The following ATP13A3 variants were observed in gnomAD, a reference collection of about 807,000 sequenced individuals.
The protein encoded by ATP13A3 is polyamine-transporting ATPase 13A3.
Under a neutral mutation model 158.1 loss-of-function variants are expected in ATP13A3, and 59 were observed. The ratio of observed to expected loss-of-function variants is 0.37; its 90% CI spans 0.30 to 0.46. The LOEUF is 0.46. ATP13A3 is among the 20% of genes least tolerant of loss of function. The probability of loss-of-function intolerance (pLI) is 1.00; values close to 1 mark genes in which losing one functional copy is unlikely to be tolerated. For synonymous variants in ATP13A3, 491 were observed against 504.3 expected (o/e 0.97, Z 0.35); for missense variants, 1,166 against 1,525.2 (o/e 0.76, Z 3.92).
chr3:194,474,552 T>G (rs1720443091), intron 2 of ATP13A3, among the ~76,000 whole-genome samples: 1 of 152,246 alleles, frequency 6.6e-6, no homozygotes, highest in Non-Finnish European at 1.5e-5. Context: ...ATAAGCCTAA[T>G]TCCCCCAAAC....
intron 2 of ATP13A3, among the ~76,000 whole-genome samples, chr3:194,474,034 C>T (rs1213268304): frequency 6.6e-6 from 1 of 152,156 alleles, no homozygotes; most frequent in Admixed American, 6.5e-5. Flanking sequence ...CTACCATTAA[C>T]GGTTTCTTCA....
intron 15 of ATP13A3, among the ~76,000 whole-genome samples, chr3:194,443,650 A>G (rs1718198651): frequency 6.6e-6 from 1 of 152,202 alleles, no homozygotes; most frequent in African/African-American, 2.4e-5. Context: ...ACAACTCTTG[A>G]AATTACATTG....
intron 15 of ATP13A3, among the ~76,000 whole-genome samples, chr3:194,443,208 T>C (rs1718169708): frequency 6.6e-6 from 1 of 151,988 alleles, no homozygotes; most frequent in South Asian, 2.1e-4. Context: ...AACAAATACA[T>C]ATAGGAAGGG....
chr3:194,485,381 A>C (rs73073177), intron 2 of ATP13A3, among the ~76,000 whole-genome samples: 3,504 of 152,270 alleles, frequency 0.023, 84 homozygotes, highest in African/African-American at 0.06. Context: ...CTCTAGAGAA[A>C]ATAATGTCAC....
At chr3:194,478,137 T>C (rs772410727) in intron 2 of ATP13A3, among the ~76,000 whole-genome samples, 14 of 152,154 alleles carry the variant, frequency 9.2e-5, no homozygotes, top group Non-Finnish European at 1.6e-4. Context: ...TAAATTAGCA[T>C]TCTAGCAATA....
At chr3:194,406,386 G>A (rs1304469204) in intron 33 of ATP13A3, among the ~76,000 whole-genome samples, 22 of 152,106 alleles carry the variant, frequency 1.4e-4, no homozygotes, top group Admixed American at 1.0e-3. Flanking sequence ...GCAACACAAC[G>A]AAATGTGTGT....
At chr3:194,444,665 T>C in intron 15 of ATP13A3, 60 bp downstream of exon 15, 2 of 1,395,690 alleles carry the variant, frequency 1.4e-6, no homozygotes, top group Non-Finnish European at 2.0e-6. Flanking sequence ...TGTTTGAATG[T>C]TGCACATGTT....
At chr3:194,429,500 TTC>T (rs1684670669) in intron 27 of ATP13A3, among the ~76,000 whole-genome samples, 176 bp downstream of exon 27, 1 of 152,206 alleles carries the variant, frequency 6.6e-6, no homozygotes, top group Non-Finnish European at 1.5e-5. Context: ...GAAACATCTT[TTC>T]TCATTTTAAC....
chr3:194,460,095 T>C, intron 4 of ATP13A3, 124 bp from the exon 5 acceptor site: 1 of 746,330 alleles, frequency 1.3e-6, no homozygotes, highest in Admixed American at 3.1e-5. Context: ...ACATCACGCC[T>C]ACTCACTAAA....
At position 194,417,958 on chromosome 3, in the gene ATP13A3, C is replaced by CGGAAGGAAGGAAGGAAGGAA. The variant is rs1198337838; in HGVS notation, c.3402+1901_3402+1920dup. 9.5e-4 allele frequency among the ~76,000 whole-genome samples: 73 copies of CGGAAGGAAGGAAGGAAGGAA among 76,884 alleles called. 1 individual carries two copies. The highest frequency in any genetic ancestry group is 4.8e-3 in the African/African-American group (66 of 13,880). 50.4% of individuals were successfully genotyped at this position (76,884 alleles called of 152,430 possible). On this transcript the variant is annotated intron_variant, in intron 31 of 33. Coordinates refer to ENST00000645319, the MANE Select transcript of ATP13A3 (RefSeq NM_001367549.1). ...CGTGGGTGACAGACAGACGGACGGA[C>CGGAAGGAAGGAAGGAAGGAA]GGAAGGAAGGAAGGAAGGAAGGAAG...
intron 2 of ATP13A3, among the ~76,000 whole-genome samples, chr3:194,470,841 C>G (rs898119214): frequency 1.3e-5 from 2 of 152,042 alleles, no homozygotes; most frequent in Admixed American, 6.6e-5. Flanking sequence ...AAAAATGCTG[C>G]GGCAGGCAAC....
chr3:194,412,352 C>T lies in ATP13A3; in HGVS notation c.3484-64G>A, dbSNP rs955723350. The T allele has an allele frequency of 4.7e-6, 6 of 1,288,256 alleles. No individual in the cohort carries two copies. The African/African-American group carries it at 7.4e-5, about 16-fold the overall frequency. 79.8% of individuals were successfully genotyped at this position (1,288,256 alleles called of 1,614,324 possible). On this transcript the variant is annotated intron_variant, in intron 32 of 33. Transcript: ENST00000645319. Reference sequence around the variant, plus strand: ...TAAGTCATTTTTTATTAATGTGCACCTTTTTAAAAAATCACACATGCTGCA... The same window carrying T: ...TAAGTCATTTTTTATTAATGTGCACTTTTTTAAAAAATCACACATGCTGCA...
intron 2 of ATP13A3, among the ~76,000 whole-genome samples, chr3:194,470,826 C>T (rs1038031337): frequency 9.9e-5 from 15 of 152,082 alleles, no homozygotes; most frequent in African/African-American, 9.7e-5. Context: ...CTACTATCTA[C>T]GATGAAAAAT....
chr3:194,465,841 G>T (rs1048934212), intron 2 of ATP13A3, among the ~76,000 whole-genome samples: 5 of 151,680 alleles, frequency 3.3e-5, no homozygotes, highest in African/African-American at 1.2e-4. Context: ...AATTAGCCAG[G>T]GGTGGTGGTG....
At chr3:194,441,263 A>T in intron 16 of ATP13A3, 48 bp downstream of exon 16, 1 of 1,453,990 alleles carries the variant, frequency 6.9e-7, no homozygotes, top group South Asian at 1.3e-5. Context: ...TTTAATTTTT[A>T]ACTATTATTT....
chr3:194,445,756 A>G (rs1446766793), intron 14 of ATP13A3, among the ~76,000 whole-genome samples: 1 of 152,228 alleles, frequency 6.6e-6, no homozygotes, highest in Non-Finnish European at 1.5e-5. Flanking sequence ...TCAAATTTGT[A>G]TCACATCAGT....
rs766829709 is a variant in ATP13A3, at chr3:194,406,108, C to T, written c.3582G>A (p.Val1194=). 2 of 1,614,066 alleles carry T rather than the reference C, an allele frequency of 1.2e-6. No individual in the cohort carries two copies. Among genetic ancestry groups the T allele is most frequent in the East Asian group, 4.5e-5 (2 of 44,880 alleles). Residue 1194 remains valine (V), a synonymous_variant, in exon 34 of 34, where the codon GTG becomes GTA. Transcript: ENST00000645319. ...GTAAGCAGCATTTTCCCCACCGATCCACTGACTCCTAAGAAAATAAGAAAA... is the reference window on the plus strand; with the variant it reads ...GTAAGCAGCATTTTCCCCACCGATCTACTGACTCCTAAGAAAATAAGAAAA... ...FSTTQPPQES[V]DRWGKCCLPW...
At position 194,407,980 on chromosome 3, in the gene ATP13A3, G is replaced by GA. The variant is rs554933883; in HGVS notation, c.3574-1865dup. On this transcript the variant is annotated intron_variant, in intron 33 of 33. Coordinates refer to ENST00000645319, the MANE Select transcript of ATP13A3 (RefSeq NM_001367549.1). ...GTGTCATTTGTCAATCTAATTGTGG[G>GA]AAAAAAACCACTGTTCCTAAATCAA... is the stretch of plus-strand genomic sequence containing the variant. Among the ~76,000 whole-genome samples the GA allele has an allele frequency of 7.6e-4, 115 of 150,444 alleles. 1 individual carries two copies. The highest frequency in any genetic ancestry group is 2.6e-3 in the African/African-American group (108 of 40,944).
chr3:194,460,951 T>A, intron 3 of ATP13A3, 120 bp from the exon 4 acceptor site: 1 of 1,079,748 alleles, frequency 9.3e-7, no homozygotes, highest in Non-Finnish European at 1.3e-6. Flanking sequence ...ACATAAACTG[T>A]AAATATTTTC....
Sources: allele counts gnomAD v4.1 joint callset (sites outside exome capture counted in the v4.1 genomes callset), GRCh38; gene constraint gnomAD v4.1.1; transcripts MANE v1.5; gene names NCBI Gene and HGNC (gene_info 2026-07-23, HGNC 2026-07-21).